The following GABRR1 variants were observed in gnomAD, a reference collection of about 807,000 sequenced individuals.
The protein encoded by GABRR1 is gamma-aminobutyric acid receptor subunit rho-1.
In GABRR1, 59 loss-of-function variants were observed where a neutral mutation model predicts 55.5. That is an observed-to-expected ratio of 1.06 (90% confidence interval 0.86 to 1.32). GABRR1 has a LOEUF of 1.32. GABRR1 is among the 40% of genes most tolerant of loss of function. The pLI is 0.00. For synonymous variants in GABRR1, 213 were observed against 226.0 expected (o/e 0.94, Z 0.51); for missense variants, 602 against 619.1 (o/e 0.97, Z 0.29).
At chr6:89,194,605 G>A (rs1457306281) in intron 5 of GABRR1, among the ~76,000 whole-genome samples, 1 of 152,124 alleles carries the variant, frequency 6.6e-6, no homozygotes, top group Non-Finnish European at 1.5e-5. Context: ...TTTTAAGGAA[G>A]TGCAGTGATA....
intron 5 of GABRR1, among the ~76,000 whole-genome samples, chr6:89,195,021 T>C (rs1022055168): frequency 3.9e-5 from 6 of 152,034 alleles, no homozygotes; most frequent in African/African-American, 1.5e-4. Flanking sequence ...GAGATAAATA[T>C]ACAGGTATAG....
chr6:89,180,267 C>A (rs924438080), intron 9 of GABRR1, 25 bp downstream of exon 9: 1 of 1,606,614 alleles, frequency 6.2e-7, no homozygotes, highest in East Asian at 2.2e-5. Flanking sequence ...CCTGACCAGA[C>A]ACTATAAGCG....
chr6:89,192,869 C>G (rs765116103), intron 5 of GABRR1, among the ~76,000 whole-genome samples: 2 of 152,124 alleles, frequency 1.3e-5, no homozygotes, highest in Non-Finnish European at 2.9e-5. Flanking sequence ...CTCATTGACT[C>G]TTTTATATCT....
chr6:89,217,221 G>A lies in GABRR1; in HGVS notation c.102C>T (p.His34=), dbSNP rs142903464. ...SRMHWPGREV[H]EMSKKGRPQR... Reference sequence around the variant, plus strand: ...CTCACCTGCCTTTCTTAGACATCTCGTGGACTTCTCTTCCGGGCCAGTGCA... The same window carrying A: ...CTCACCTGCCTTTCTTAGACATCTCATGGACTTCTCTTCCGGGCCAGTGCA... The change falls in exon 1 of 10, where the codon CAC becomes CAT. Residue 34 remains histidine (H), a synonymous_variant. Coordinates refer to ENST00000454853, the MANE Select transcript of GABRR1 (RefSeq NM_002042.5). 18 of 1,613,736 alleles carry A rather than the reference G, an allele frequency of 1.1e-5. No homozygotes were observed. The highest frequency in any genetic ancestry group is 1.5e-5 in the Non-Finnish European group (18 of 1,179,962).
chr6:89,217,179 C>A (rs915420876), intron 1 of GABRR1, 22 bp downstream of exon 1: 1 of 1,612,680 alleles, frequency 6.2e-7, no homozygotes, highest in South Asian at 1.1e-5. Context: ...CCTAAATCCT[C>A]TATCCCTAAA....
At chr6:89,226,624 ATC>A (rs1773207668) in intron 1 of GABRR1, among the ~76,000 whole-genome samples, 3 of 106,922 alleles carry the variant, frequency 2.8e-5, no homozygotes, top group Admixed American at 1.9e-4. Flanking sequence ...ATGGATCTAT[ATC>A]TCTGTTTTGG....
intron 5 of GABRR1, among the ~76,000 whole-genome samples, chr6:89,193,961 T>C (rs553683759): frequency 6.6e-6 from 1 of 152,096 alleles, no homozygotes; most frequent in African/African-American, 2.4e-5. Flanking sequence ...CCCCAACTCA[T>C]GACTTCTACA....
intron 1 of GABRR1, among the ~76,000 whole-genome samples, chr6:89,227,876 T>C (rs1773224423): frequency 2.2e-5 from 1 of 45,442 alleles, no homozygotes; most frequent in Non-Finnish European, 4.6e-5. Flanking sequence ...AGAATTCAGC[T>C]GTGAATCCAT....
intron 1 of GABRR1, among the ~76,000 whole-genome samples, chr6:89,211,238 T>C (rs1772825391): frequency 6.6e-6 from 1 of 152,080 alleles, no homozygotes. Context: ...TGATCAGAGA[T>C]CCAGTCCATA....
chr6:89,219,215 G>A (rs190530346), upstream of GABRR1, among the ~76,000 whole-genome samples: 8 of 152,176 alleles, frequency 5.3e-5, no homozygotes, highest in Admixed American at 1.3e-4. Flanking sequence ...GTAGTGAGCC[G>A]AGATCGCACC....
intron 1 of GABRR1, among the ~76,000 whole-genome samples, chr6:89,205,906 C>A (rs1772625846): frequency 6.7e-6 from 1 of 149,308 alleles, no homozygotes. Context: ...GCCCCCCCAT[C>A]TCTCACATCC....
chr6:89,205,135 C>T (rs1053772641), intron 1 of GABRR1, among the ~76,000 whole-genome samples: 8 of 152,116 alleles, frequency 5.3e-5, no homozygotes, highest in Non-Finnish European at 8.8e-5. Flanking sequence ...TGAAGTAGGC[C>T]TCGTCATTAT....
chr6:89,203,466 C>T lies in GABRR1; in HGVS notation c.142G>A (p.Glu48Lys). Residue 48 changes from glutamate (E) to lysine (K), a missense_variant, in exon 2 of 10, where the codon GAA (glutamate) becomes AAA (lysine). Coordinates refer to ENST00000454853, the MANE Select transcript of GABRR1 (RefSeq NM_002042.5). The stretch of plus-strand genomic sequence containing the variant: ...TGCTTGTGGGCATCTTCATGTACTT[C>T]TCGTCTTTGTCTTTGGGGCCTACCA... ...KKGRPQRQRR[E>K]VHEDAHKQVS... The T allele has an allele frequency of 6.2e-7, 1 of 1,613,402 alleles. No individual in the cohort carries two copies. Among genetic ancestry groups the T allele is most frequent in the East Asian group, 2.2e-5 (1 of 44,878 alleles).
Position 89,185,513 on chromosome 6 carries a change from T to C in GABRR1, c.656-63A>G, listed in dbSNP as rs903332967. On this transcript the variant is annotated intron_variant, in intron 6 of 9. Transcript: ENST00000454853. The stretch of plus-strand genomic sequence containing the variant: ...GGCAAGACAGGATGGTCTGTGGGGC[T>C]ATGTAGAAGCTGTGTCCTGACCTCC... 4.4e-5 allele frequency: 65 copies of C among 1,468,326 alleles called. 1 individual carries two copies. The South Asian group carries it at 7.3e-4, about 17-fold the overall frequency. 91.0% of individuals were successfully genotyped at this position (1,468,326 alleles called of 1,614,324 possible).
chr6:89,200,096 T>C (rs1187435636), intron 3 of GABRR1, among the ~76,000 whole-genome samples: 1 of 152,150 alleles, frequency 6.6e-6, no homozygotes, highest in African/African-American at 2.4e-5. Context: ...TGGAGCACAC[T>C]GAATCATTTG....
intron 5 of GABRR1, among the ~76,000 whole-genome samples, chr6:89,196,668 T>G (rs749026836): frequency 6.6e-6 from 1 of 151,840 alleles, no homozygotes; most frequent in Non-Finnish European, 1.5e-5. Flanking sequence ...TCCCAGCCAC[T>G]TGGGAGGCTG....
intron 1 of GABRR1, among the ~76,000 whole-genome samples, chr6:89,230,756 G>A (rs1415859946): frequency 2.0e-5 from 3 of 151,830 alleles, no homozygotes; most frequent in Non-Finnish European, 4.4e-5. Flanking sequence ...GCCTACAGTG[G>A]CAGGCAGGCC....
chr6:89,216,281 C>G (rs543724205), intron 1 of GABRR1, among the ~76,000 whole-genome samples: 2 of 152,208 alleles, frequency 1.3e-5, no homozygotes, highest in Non-Finnish European at 2.9e-5. Flanking sequence ...CCCCAAACTC[C>G]CAAAAGCTAG....
chr6:89,221,811 T>C (rs1773119233), upstream of GABRR1, among the ~76,000 whole-genome samples: 1 of 152,162 alleles, frequency 6.6e-6, no homozygotes, highest in Non-Finnish European at 1.5e-5. Context: ...GATGAAACAA[T>C]GACCCGAAGA....
Sources: gnomAD v4.1 joint callset for allele counts (sites outside exome capture counted in the v4.1 genomes callset) on GRCh38, gnomAD v4.1.1 for gene constraint, MANE v1.5 for transcripts, NCBI Gene and HGNC (gene_info 2026-07-23, HGNC 2026-07-21) for gene names.